The following TMEM50B variants were observed in gnomAD, a reference collection of about 807,000 sequenced individuals.
The protein encoded by TMEM50B is HCV p7-trans-regulated protein 3.
In TMEM50B, 14 loss-of-function variants were observed where a neutral mutation model predicts 23.4. That is an observed-to-expected ratio of 0.60 (90% CI 0.39 to 0.93). The LOEUF is 0.93. Among genes scored for constraint, TMEM50B ranks in the 40% least tolerant of loss-of-function variants. TMEM50B has a pLI of 0.00. For missense variants in TMEM50B, 159 were observed against 193.0 expected (o/e 0.82, Z 1.04); for synonymous variants, 64 against 62.3 (o/e 1.03, Z -0.13).
chr21:33,450,704 A>G lies in TMEM50B; in HGVS notation c.*114T>C. The stretch of plus-strand genomic sequence containing the variant: ...CAAAACTCAGAACATAAAAATGTAA[A>G]GAAACAAAACATTTAATGTACAATC... On this transcript the variant is annotated 3_prime_UTR_variant, in exon 7 of 7. Coordinates refer to ENST00000542230, the MANE Select transcript of TMEM50B (RefSeq NM_006134.7). 1 of 781,016 alleles carries G rather than the reference A, an allele frequency of 1.3e-6. No individual in the cohort carries two copies. Among genetic ancestry groups the G allele is most frequent in the Non-Finnish European group, 2.0e-6 (1 of 489,836 alleles). 48.4% of individuals were successfully genotyped at this position (781,016 alleles called of 1,614,324 possible).
chr21:33,467,416 G>A (rs1427191172), intron 2 of TMEM50B, among the ~76,000 whole-genome samples: 2 of 152,210 alleles, frequency 1.3e-5, no homozygotes, highest in Non-Finnish European at 2.9e-5. Context: ...CTGAGGTCAG[G>A]AGTTTGAGAC....
chr21:33,477,951 C>T (rs555590692), intron 1 of TMEM50B, among the ~76,000 whole-genome samples: 2 of 150,944 alleles, frequency 1.3e-5, no homozygotes, highest in Non-Finnish European at 3.0e-5. Flanking sequence ...CTGGCTAACA[C>T]GGTGAAAACC....
intron 1 of TMEM50B, among the ~76,000 whole-genome samples, chr21:33,477,466 G>C (rs965084059): frequency 6.6e-6 from 1 of 152,126 alleles, no homozygotes; most frequent in Non-Finnish European, 1.5e-5. Context: ...ATACCTCTGC[G>C]CTGTCTGAAT....
intron 6 of TMEM50B, among the ~76,000 whole-genome samples, chr21:33,453,266 T>C (rs1273681385): frequency 2.6e-5 from 4 of 152,024 alleles, no homozygotes; most frequent in Non-Finnish European, 5.9e-5. Flanking sequence ...ATGTCTGTAT[T>C]TTTAGTAGAG....
chr21:33,476,484 A>G (rs2084371308), intron 1 of TMEM50B, among the ~76,000 whole-genome samples: 1 of 152,078 alleles, frequency 6.6e-6, no homozygotes, highest in African/African-American at 2.4e-5. Flanking sequence ...TTATAACATC[A>G]GGCGTGGTGG....
At chr21:33,452,006 C>G (rs1286223527) in intron 6 of TMEM50B, among the ~76,000 whole-genome samples, 1 of 152,194 alleles carries the variant, frequency 6.6e-6, no homozygotes, top group Non-Finnish European at 1.5e-5. Context: ...ACTTGCCAGC[C>G]TCTGGGCAGA....
At chr21:33,453,045 G>A (rs981424848) in intron 6 of TMEM50B, among the ~76,000 whole-genome samples, 1 of 152,134 alleles carries the variant, frequency 6.6e-6, no homozygotes, top group Non-Finnish European at 1.5e-5. Context: ...CAGAAGTAGA[G>A]ATTAATTTAT....
chr21:33,434,905 AC>A (rs763997196), intron 8 of TMEM50B, among the ~76,000 whole-genome samples: 2 of 152,166 alleles, frequency 1.3e-5, no homozygotes, highest in African/African-American at 2.4e-5. Context: ...TTCCTCTGAG[AC>A]ATGAACAGAA....
At position 33,465,361 on chromosome 21, in the gene TMEM50B, G is replaced by A. The variant is rs757519053; in HGVS notation, c.261C>T (p.Ser87=). ...CTTTACCTGTTCTTCCTAAACAGCC[G>A]CTTTCATAGCTATCACCTCTCACCT... The part of the protein sequence containing the change: ...NAQVRGDSYE[S]GCLGRTGARV... Residue 87 remains serine (S), a synonymous_variant, in exon 4 of 7, where the codon AGC becomes AGT. Transcript: ENST00000542230. 25 of 1,612,920 alleles carry A rather than the reference G, an allele frequency of 1.5e-5. No homozygotes were observed. The highest frequency in any genetic ancestry group is 1.7e-4 in the Middle Eastern group (1 of 5,770).
chr21:33,472,402 T>A (rs927273050), intron 1 of TMEM50B, among the ~76,000 whole-genome samples: 6 of 151,596 alleles, frequency 4.0e-5, no homozygotes, highest in East Asian at 1.9e-4. Flanking sequence ...AAATAAATAA[T>A]TAACTAAATG....
chr21:33,477,942 T>C (rs1232376188), intron 1 of TMEM50B, among the ~76,000 whole-genome samples: 1 of 151,632 alleles, frequency 6.6e-6, no homozygotes, highest in Non-Finnish European at 1.5e-5. Context: ...GAGACCATCC[T>C]GGCTAACACG....
At position 33,460,393 on chromosome 21, in the gene TMEM50B, C is replaced by T. The variant is rs553488476; in HGVS notation, c.373+20G>A. 70 of 1,469,764 alleles carry T rather than the reference C, an allele frequency of 4.8e-5. No individual in the cohort carries two copies. Among genetic ancestry groups the T allele is most frequent in the South Asian group, 3.3e-4 (29 of 87,420 alleles). The allele number at this position is 1,469,764 out of a possible 1,614,324, so 91.0% of individuals were successfully genotyped here. On this transcript the variant is annotated intron_variant, in intron 5 of 6. Transcript: ENST00000542230. ...ATATCTGAATCTCTCCTATAAAATA[C>T]AAGAAGAATATATACTTACTTTGGG...
At chr21:33,479,115 A>C in intron 1 of TMEM50B, 1 of 247,014 alleles carries the variant, frequency 4.0e-6, no homozygotes, top group Non-Finnish European at 8.2e-6. Context: ...TTACCTTAGA[A>C]TTTCAGCACC....
intron 4 of TMEM50B, among the ~76,000 whole-genome samples, chr21:33,461,137 C>T (rs1005327610): frequency 1.4e-4 from 21 of 152,192 alleles, no homozygotes; most frequent in African/African-American, 4.8e-4. Context: ...TTAATACTTG[C>T]ACCAGATCCT....
chr21:33,446,682 CTAAG>C (rs1370075938), downstream of TMEM50B, among the ~76,000 whole-genome samples: 96 of 53,556 alleles, frequency 1.8e-3, no homozygotes, highest in African/African-American at 7.5e-3. Context: ...AAAAAAACCT[CTAAG>C]AAAGAAAAGA....
intron 6 of TMEM50B, among the ~76,000 whole-genome samples, chr21:33,455,484 C>A (rs912121057): frequency 6.6e-6 from 1 of 152,146 alleles, no homozygotes; most frequent in Non-Finnish European, 1.5e-5. Context: ...CAGCACTTGG[C>A]CTAAATGTGA....
chr21:33,446,643 C>CAA (rs1412928086), downstream of TMEM50B, among the ~76,000 whole-genome samples: 1 of 27,474 alleles, frequency 3.6e-5, no homozygotes, highest in African/African-American at 1.8e-4. Flanking sequence ...AATACACACA[C>CAA]ACACACACAC....
chr21:33,467,009 C>A lies in TMEM50B; in HGVS notation c.212+1G>T, dbSNP rs551985299. 5 of 1,609,886 alleles carry A rather than the reference C, an allele frequency of 3.1e-6. No individual in the cohort carries two copies. Among genetic ancestry groups the A allele is most frequent in the African/African-American group, 1.3e-5 (1 of 74,968 alleles). ...GAATAGAGAATTATCTTCATACTTA[C>A]ATGAAGAAAGCCAATGTGGAAAATA... On this transcript the variant is annotated splice_donor_variant, in intron 3 of 6. Transcript: ENST00000542230. LOFTEE classifies it high-confidence loss of function.
At position 33,468,031 on chromosome 21, in the gene TMEM50B, T is replaced by C. The variant is rs114890009; in HGVS notation, c.99+756A>G. ...ACATCTGTAAATAGCAACTGTACTC[T>C]AGTAGCTGTACAACATAGCAAGACC... On this transcript the variant is annotated intron_variant, in intron 2 of 6. Transcript: ENST00000542230. Among the ~76,000 whole-genome samples the C allele has an allele frequency of 3.3e-3, 486 of 146,620 alleles. 4 individuals are homozygous for C. The highest frequency in any genetic ancestry group is 0.012 in the African/African-American group (462 of 40,112).
Sources: allele counts gnomAD v4.1 joint callset (sites outside exome capture counted in the v4.1 genomes callset), GRCh38; gene constraint gnomAD v4.1.1; transcripts MANE v1.5; gene names NCBI Gene and HGNC (gene_info 2026-07-23, HGNC 2026-07-21).